The following USP42 variants were observed in gnomAD, a reference collection of about 807,000 sequenced individuals.
USP42 encodes ubiquitin specific peptidase 42, also known as ubiquitin carboxyl-terminal hydrolase 42.
In USP42, 23 loss-of-function variants were observed where a neutral mutation model predicts 113.0. That is an observed-to-expected ratio of 0.20 (90% confidence interval 0.15 to 0.29). USP42 has a LOEUF of 0.29. USP42 is among the 10% of genes least tolerant of loss of function. The probability of loss-of-function intolerance (pLI) is 1.00; values close to 1 mark genes in which losing one functional copy is unlikely to be tolerated. For synonymous variants in USP42, 933 were observed against 699.0 expected, an observed-to-expected ratio of 1.33 and a Z score of -5.28; for missense variants, 2,174 against 1,779.8, an observed-to-expected ratio of 1.22 and a Z score of -3.99.
chr7:6,139,355 T>C lies in USP42; in HGVS notation c.656+161T>C, dbSNP rs1781324868. The C allele has an allele frequency of 1.1e-5, 6 of 522,954 alleles. No individual in the cohort carries two copies. Among genetic ancestry groups the C allele is most frequent in the African/African-American group, 2.0e-5 (1 of 50,596 alleles). The allele number at this position is 522,954 out of a possible 1,614,324, so 32.4% of individuals were successfully genotyped here. On this transcript the variant is annotated intron_variant, in intron 5 of 17. Transcript: ENST00000306177. The surrounding 1 kb of genome is among the most constrained non-coding windows in gnomAD (Gnocchi z 4.5). ...CCTCTTCCTTAGGTGATGTGCATTA[T>C]TTTAAAATGGTTGAAATTTACACGT...
chr7:6,114,443 A>G lies in USP42; in HGVS notation c.242-880A>G, dbSNP rs912521594. On this transcript the variant is annotated intron_variant, in intron 2 of 17. Coordinates refer to ENST00000306177, the MANE Select transcript of USP42 (RefSeq NM_032172.3). Reference sequence around the variant, plus strand: ...TCAACTTACGGGCAGTGATACCAGCACCTCCTTATCTCCCCACGACATTAT... The same window carrying G: ...TCAACTTACGGGCAGTGATACCAGCGCCTCCTTATCTCCCCACGACATTAT... Among the ~76,000 whole-genome samples, 5 of 151,620 alleles carry G rather than the reference A, an allele frequency of 3.3e-5. No homozygotes were observed. In the South Asian group the frequency reaches 1.0e-3, roughly 32 times the overall value.
At chr7:6,143,071 C>A in intron 8 of USP42, 57 bp downstream of exon 8, 1 of 1,584,572 alleles carries the variant, frequency 6.3e-7, no homozygotes, top group South Asian at 1.1e-5. Flanking sequence ...GGATGGCCGG[C>A]AGGCTTGGTT....
At position 6,150,278 on chromosome 7, in the gene USP42, T is replaced by C. The variant is rs1202679507; in HGVS notation, c.2082T>C (p.Ala694=). The change falls in exon 13 of 18, where the codon GCT becomes GCC. Residue 694 remains alanine, a synonymous_variant. Transcript: ENST00000306177. ...CCCTGCACTCAGAAAATCCCTTTGC[T>C]AAGGCAAACGGTCTTCCTGGAAAGG... The part of the protein sequence containing the change: ...QPALHSENPF[A]KANGLPGKLM... 2.5e-6 allele frequency: 4 copies of C among 1,613,300 alleles called. No homozygotes were observed. Among genetic ancestry groups the C allele is most frequent in the Admixed American group, 1.7e-5 (1 of 59,950 alleles).
At position 6,161,206 on chromosome 7, in the gene USP42, C is replaced by CAACA. The variant is rs1022105901; in HGVS notation, c.*689_*692dup. 1 of 152,586 alleles carries CAACA rather than the reference C, an allele frequency of 6.6e-6. No individual in the cohort carries two copies. The highest frequency in any genetic ancestry group is 2.4e-5 in the African/African-American group (1 of 41,442). 9.5% of individuals were successfully genotyped at this position (152,586 alleles called of 1,614,324 possible). The stretch of plus-strand genomic sequence containing the variant: ...AAGCCGACAGTATGTTTCTATTACA[C>CAACA]AACACTTTTTGATACAGCGTCTCTT... On this transcript the variant is annotated 3_prime_UTR_variant, in exon 18 of 18. Transcript: ENST00000306177.
rs61732616 is a variant in USP42 at position 6,153,833 on chromosome 7, T to G, written c.2279T>G (p.Leu760Arg). 170,663 of 1,540,282 alleles carry G rather than the reference T, an allele frequency of 0.11. 16,140 individuals carry two copies. The highest frequency in any genetic ancestry group is 0.45 in the East Asian group (18,157 of 40,312). ...PQPGSPAAES[L>R]EEPDAAAGLS... ...CCTGGCAGCCCCGCCGCCGAATCCC[T>G]GGAGGAGCCAGATGCGGCCGCCGGC... Residue 760 changes from leucine (L) to arginine (R), a missense_variant, in exon 15 of 18, where the codon CTG (leucine) becomes CGG (arginine). Leu to Arg is a moderately radical substitution (Grantham distance 102). Transcript: ENST00000306177.
chr7:6,108,466 CT>C (rs769901967), intron 1 of USP42, among the ~76,000 whole-genome samples: 7 of 152,172 alleles, frequency 4.6e-5, no homozygotes, highest in Non-Finnish European at 7.4e-5. Context: ...ATGGGTAGTA[CT>C]TTTTTGTACT....
chr7:6,114,712 G>A (rs1404241445), intron 2 of USP42, among the ~76,000 whole-genome samples: 4 of 48,744 alleles, frequency 8.2e-5, no homozygotes, highest in African/African-American at 2.2e-4. Context: ...TTTTTGAGAC[G>A]GAGTCTCTCG....
intron 3 of USP42, among the ~76,000 whole-genome samples, chr7:6,127,079 T>G (rs527954405): frequency 6.6e-6 from 1 of 152,376 alleles, no homozygotes; most frequent in East Asian, 1.9e-4. Flanking sequence ...TCCCTAATGC[T>G]TAAAGGTATT....
chr7:6,098,056 C>T, the USP42 span, among the ~76,000 whole-genome samples: 623 of 148,812 alleles, frequency 4.2e-3, 37 homozygotes, highest in African/African-American at 0.015. Context: ...AGGCACACAC[C>T]ACTACCCCAC....
rs145755338 is a variant in USP42, at chr7:6,130,490, G to T, written c.443-5351G>T. Among the ~76,000 whole-genome samples the T allele has an allele frequency of 2.2e-4, 33 of 152,214 alleles. 1 individual carries two copies. The East Asian group carries it at 6.4e-3, about 29-fold the overall frequency. On this transcript the variant is annotated intron_variant, in intron 3 of 17. Transcript: ENST00000306177. ...GTTTAGAGGTGGCTTTTTACTACTG[G>T]GTGGGTGGAAATCTGGGCTCCCCAC... is the stretch of plus-strand genomic sequence containing the variant.
chr7:6,143,083 G>C (rs1409625171), intron 8 of USP42, 69 bp downstream of exon 8: 7 of 1,539,600 alleles, frequency 4.5e-6, no homozygotes, highest in African/African-American at 1.4e-5. Context: ...GGCTTGGTTT[G>C]AGAGAGTTTG....
chr7:6,097,606 T>A, the USP42 span, among the ~76,000 whole-genome samples: 5 of 150,274 alleles, frequency 3.3e-5, no homozygotes, highest in Non-Finnish European at 1.5e-5. Flanking sequence ...CTTTTTTTTT[T>A]TCGAGACAGA....
intron 3 of USP42, among the ~76,000 whole-genome samples, chr7:6,124,328 C>T (rs972256461): frequency 2.0e-5 from 3 of 151,980 alleles, no homozygotes; most frequent in East Asian, 1.9e-4. Flanking sequence ...AGTGCAGTGG[C>T]GCGATCTCGG....
At chr7:6,151,228 G>C (rs1379740108) in intron 14 of USP42, among the ~76,000 whole-genome samples, 1 of 152,210 alleles carries the variant, frequency 6.6e-6, no homozygotes, top group Non-Finnish European at 1.5e-5. Context: ...GTGGAGGCCT[G>C]GGACGGTACA....
chr7:6,123,599 C>G (rs2128488614), intron 3 of USP42, among the ~76,000 whole-genome samples: 1 of 152,004 alleles, frequency 6.6e-6, no homozygotes, highest in East Asian at 1.9e-4. Context: ...GGAGGCAGAG[C>G]CTGCAGTGAG....
chr7:6,159,531 G>C lies in USP42; in HGVS notation c.*36+38G>C. On this transcript the variant is annotated intron_variant, in intron 17 of 17. Transcript: ENST00000306177. This position sits in a 1 kb window ranked among gnomAD's most constrained non-coding sequence, Gnocchi z 4.1. ...CCTGTCTGTTTCCTCATTGTTTGTGGTGGCGCTGAGGGGACGCAGGCAGAG... is the reference window on the plus strand; with the variant it reads ...CCTGTCTGTTTCCTCATTGTTTGTGCTGGCGCTGAGGGGACGCAGGCAGAG... 1.3e-6 allele frequency: 2 copies of C among 1,592,302 alleles called. No homozygotes were observed. The highest frequency in any genetic ancestry group is 8.6e-7 in the Non-Finnish European group (1 of 1,160,560).
chr7:6,136,001 A>C, intron 4 of USP42, 50 bp downstream of exon 4: 1 of 917,254 alleles, frequency 1.1e-6, no homozygotes, highest in Non-Finnish European at 1.5e-6. Flanking sequence ...ACCTAGTTAT[A>C]CTTTTTTTTT....
chr7:6,103,005 G>A (rs1010706120), upstream of USP42, among the ~76,000 whole-genome samples: 2 of 151,080 alleles, frequency 1.3e-5, no homozygotes, highest in African/African-American at 5.0e-5. Flanking sequence ...ATGAGTTGGT[G>A]TAAAGGGTTA....
rs1465864060 is a variant in USP42 at position 6,145,668 on chromosome 7, A to G, written c.1131+12A>G. 1.2e-6 allele frequency: 2 copies of G among 1,611,076 alleles called. No homozygotes were observed. The highest frequency in any genetic ancestry group is 1.1e-5 in the South Asian group (1 of 90,776). On this transcript the variant is annotated intron_variant, in intron 10 of 17. Coordinates refer to ENST00000306177, the MANE Select transcript of USP42 (RefSeq NM_032172.3). The stretch of plus-strand genomic sequence containing the variant: ...TCTGCTACATAAAAGTAAGCTGTGC[A>G]GATTTGCTATTAACTATTGTTACAT...
Sources: allele counts gnomAD v4.1 joint callset (sites outside exome capture counted in the v4.1 genomes callset), GRCh38; gene constraint gnomAD v4.1.1; non-coding constraint Gnocchi (gnomAD v3.1); transcripts MANE v1.5; gene names NCBI Gene and HGNC (gene_info 2026-07-23, HGNC 2026-07-21).